Variants in EMCN observed in about 807,000 individuals in gnomAD.
EMCN encodes the protein MUC-14.
EMCN carries 37 observed loss-of-function variants against 38.4 expected under a neutral mutation model. The observed-to-expected ratio is 0.96, with a 90% CI of 0.74 to 1.27. The LOEUF (loss-of-function observed/expected upper bound fraction) is 1.27. Ranked by LOEUF, EMCN falls within the 50% of genes most tolerant of loss-of-function variation. The pLI, the probability that EMCN is intolerant of heterozygous loss-of-function variation, is 0.00. For missense variants in EMCN, 318 were observed against 302.8 expected (o/e 1.05, Z -0.37); for synonymous variants, 95 against 100.8 (o/e 0.94, Z 0.35).
intron 1 of EMCN, among the ~76,000 whole-genome samples, chr4:100,509,402 T>G (rs1729566297): frequency 6.6e-6 from 1 of 152,220 alleles, no homozygotes; most frequent in Admixed American, 6.5e-5. Context: ...GTTAGTTCAC[T>G]CTGTGCATTT....
chr4:100,449,800 T>C (rs548649732), intron 4 of EMCN, among the ~76,000 whole-genome samples: 55 of 152,124 alleles, frequency 3.6e-4, no homozygotes, highest in African/African-American at 1.3e-3. Context: ...AACCCTTCTG[T>C]TGAGCAGTGT....
chr4:100,406,125 C>T (rs1167320579), intron 11 of EMCN, among the ~76,000 whole-genome samples: 1 of 151,872 alleles, frequency 6.6e-6, no homozygotes, highest in African/African-American at 2.4e-5. Context: ...TGGATCTTCT[C>T]TTTTTTCATT....
chr4:100,472,828 T>C (rs1366530217), intron 3 of EMCN, among the ~76,000 whole-genome samples: 2 of 151,802 alleles, frequency 1.3e-5, no homozygotes, highest in African/African-American at 4.8e-5. Flanking sequence ...AAACTCATAT[T>C]AGGTGGATGC....
chr4:100,440,630 A>G lies in EMCN; in HGVS notation c.415+6903T>C, dbSNP rs143025603. ...GTGTGTGTATATATATATGTGATAT[A>G]TATAAATATATATCACACTTTATTT... is the stretch of plus-strand genomic sequence containing the variant. On this transcript the variant is annotated intron_variant, in intron 5 of 11. Coordinates refer to ENST00000296420, the MANE Select transcript of EMCN (RefSeq NM_016242.4). Among the ~76,000 whole-genome samples the G allele has an allele frequency of 4.0e-3, 614 of 152,230 alleles. 6 individuals carry two copies. The highest frequency in any genetic ancestry group is 0.014 in the African/African-American group (602 of 41,538).
intron 5 of EMCN, among the ~76,000 whole-genome samples, chr4:100,441,340 T>C (rs1166709110): frequency 1.3e-5 from 2 of 152,182 alleles, no homozygotes; most frequent in African/African-American, 2.4e-5. Flanking sequence ...TCCTTCTCTC[T>C]TTATTATTTG....
In EMCN at chr4:100,395,705, T is replaced by A. The variant is rs1404674492; in HGVS notation, c.*2708A>T. ...TGACTATGTCCTCGGTTGATACTCATAAATTTAAATATGGTAGGTAGAAAA... is the reference window on the plus strand; with the variant it reads ...TGACTATGTCCTCGGTTGATACTCAAAAATTTAAATATGGTAGGTAGAAAA... On this transcript the variant is annotated 3_prime_UTR_variant, in exon 12 of 12. Coordinates refer to ENST00000296420, the MANE Select transcript of EMCN (RefSeq NM_016242.4). 6.6e-6 allele frequency: 1 copy of A among 152,160 alleles called. No homozygotes were observed. The highest frequency in any genetic ancestry group is 1.5e-5 in the Non-Finnish European group (1 of 68,004). The allele number at this position is 152,160 out of a possible 1,614,324, so 9.4% of individuals were successfully genotyped here.
rs1349084093 is a variant in EMCN at position 100,396,565 on chromosome 4, C to A, written c.*1848G>T. 11 of 92,774 alleles carry A rather than the reference C, an allele frequency of 1.2e-4. No individual in the cohort carries two copies. Among genetic ancestry groups the A allele is most frequent in the Non-Finnish European group, 1.9e-4 (10 of 52,046 alleles). The allele number at this position is 92,774 out of a possible 1,614,324, so 5.7% of individuals were successfully genotyped here. A position where few individuals can be genotyped will look rare whatever the true frequency, so the allele number is the denominator to read the frequency against. Reference sequence around the variant, plus strand: ...CTTTTTTTTTTTTTTTTTTTTGAGACAGAGTCTTGCTGTGTCACCCAGGCT... The same window carrying A: ...CTTTTTTTTTTTTTTTTTTTTGAGAAAGAGTCTTGCTGTGTCACCCAGGCT... On this transcript the variant is annotated 3_prime_UTR_variant, in exon 12 of 12. Coordinates refer to ENST00000296420, the MANE Select transcript of EMCN (RefSeq NM_016242.4).
chr4:100,506,309 C>T (rs868339468), intron 1 of EMCN, among the ~76,000 whole-genome samples: 2 of 152,086 alleles, frequency 1.3e-5, no homozygotes, highest in African/African-American at 2.4e-5. Flanking sequence ...CCTATCTTTT[C>T]GATATCCATT....
intron 1 of EMCN, among the ~76,000 whole-genome samples, chr4:100,508,800 T>A (rs935389213): frequency 6.6e-6 from 1 of 152,214 alleles, no homozygotes; most frequent in Admixed American, 6.5e-5. Flanking sequence ...CAGATATTCA[T>A]GACACTCTGG....
chr4:100,446,172 A>G (rs1350970058), intron 5 of EMCN: 9 of 985,290 alleles, frequency 9.1e-6, no homozygotes, highest in African/African-American at 5.2e-5. Context: ...CCAGAACTGC[A>G]TCAGTCTTCT....
intron 8 of EMCN, among the ~76,000 whole-genome samples, chr4:100,420,404 A>C (rs900648756): frequency 6.6e-6 from 1 of 151,990 alleles, no homozygotes; most frequent in Non-Finnish European, 1.5e-5. Flanking sequence ...TATGTTATGA[A>C]AGGTAAGAGG....
intron 5 of EMCN, among the ~76,000 whole-genome samples, chr4:100,441,826 A>G (rs1375361973): frequency 6.6e-6 from 1 of 152,080 alleles, no homozygotes; most frequent in Non-Finnish European, 1.5e-5. Context: ...TCATCTTTTA[A>G]TATTGTATAT....
intron 5 of EMCN, among the ~76,000 whole-genome samples, chr4:100,433,533 A>AT (rs1456707470): frequency 2.0e-5 from 3 of 150,038 alleles, no homozygotes; most frequent in Non-Finnish European, 4.4e-5. Context: ...ATACTATTTT[A>AT]TTTTTTTTCC....
At chr4:100,435,988 A>G (rs562825092) in intron 5 of EMCN, among the ~76,000 whole-genome samples, 1 of 152,322 alleles carries the variant, frequency 6.6e-6, no homozygotes, top group South Asian at 2.1e-4. Flanking sequence ...CATGATGAAA[A>G]TGACAAAAGC....
In EMCN at chr4:100,486,494, C is replaced by A. The variant is rs183491477; in HGVS notation, c.65-6455G>T. Among the ~76,000 whole-genome samples, 708 of 152,302 alleles carry A rather than the reference C, an allele frequency of 4.6e-3. 8 individuals are homozygous for A. Among genetic ancestry groups the A allele is most frequent in the South Asian group, 0.023 (113 of 4,822 alleles). ...CAATTAAAGCTAAAAAGTATTGTAG[C>A]AAGCACAACAGTTCTGAGAGTGTTT... On this transcript the variant is annotated intron_variant, in intron 1 of 11. Coordinates refer to ENST00000296420, the MANE Select transcript of EMCN (RefSeq NM_016242.4).
intron 1 of EMCN, among the ~76,000 whole-genome samples, chr4:100,489,430 G>A (rs1420225611): frequency 1.3e-5 from 2 of 152,152 alleles, no homozygotes; most frequent in Non-Finnish European, 2.9e-5. Context: ...CAGCAGCAGT[G>A]TGGAGTCATG....
chr4:100,517,943 T>C lies in EMCN; in HGVS notation c.-29A>G, dbSNP rs758722004. ...GCCCGTAGATGGTGTCAATATCTTCTTTCTCCAGAAGCAGGCAGGGACAAT... is the reference window on the plus strand; with the variant it reads ...GCCCGTAGATGGTGTCAATATCTTCCTTCTCCAGAAGCAGGCAGGGACAAT... On this transcript the variant is annotated 5_prime_UTR_variant, in exon 1 of 12. Coordinates refer to ENST00000296420, the MANE Select transcript of EMCN (RefSeq NM_016242.4). 52 of 1,610,058 alleles carry C rather than the reference T, an allele frequency of 3.2e-5. No homozygotes were observed. The highest frequency in any genetic ancestry group is 7.7e-5 in the South Asian group (7 of 90,978).
At chr4:100,455,225 T>C (rs1391861510) in intron 4 of EMCN, among the ~76,000 whole-genome samples, 2 of 152,120 alleles carry the variant, frequency 1.3e-5, no homozygotes, top group African/African-American at 4.8e-5. Context: ...TTTTGGCATT[T>C]GTGCCATTGT....
At chr4:100,507,167 C>G (rs771751445) in intron 1 of EMCN, among the ~76,000 whole-genome samples, 1 of 152,022 alleles carries the variant, frequency 6.6e-6, no homozygotes, top group Non-Finnish European at 1.5e-5. Context: ...TTAATGAAAA[C>G]ATGAGGGACT....
Sources: gnomAD v4.1 joint callset for allele counts (sites outside exome capture counted in the v4.1 genomes callset) on GRCh38, gnomAD v4.1.1 for gene constraint, MANE v1.5 for transcripts, NCBI Gene and HGNC (gene_info 2026-07-23, HGNC 2026-07-21) for gene names.